GALNT7: variants seen among roughly 807,000 people sequenced by gnomAD.
The protein encoded by GALNT7 is N-acetylgalactosaminyltransferase 7.
A neutral mutation model predicts 82.1 loss-of-function variants in GALNT7; 60 were observed. That is an observed-to-expected ratio of 0.73 (90% CI 0.59 to 0.91). The LOEUF (loss-of-function observed/expected upper bound fraction) is 0.91, where lower values mean the gene tolerates loss of function less well. GALNT7 is among the 40% of genes least tolerant of loss of function. GALNT7 has a pLI of 0.00. For synonymous variants in GALNT7, 243 were observed against 275.1 expected, an observed-to-expected ratio of 0.88 and a Z score of 1.15; for missense variants, 660 against 804.2, an observed-to-expected ratio of 0.82 and a Z score of 2.17.
intron 1 of GALNT7, among the ~76,000 whole-genome samples, chr4:173,178,057 G>A (rs1385186262): frequency 7.1e-6 from 1 of 140,024 alleles, no homozygotes; most frequent in African/African-American, 2.9e-5. Context: ...GTGTGTGCGC[G>A]CACGCGCGTG....
At chr4:173,294,141 T>A (rs1314822092) in intron 3 of GALNT7, among the ~76,000 whole-genome samples, 1 of 152,150 alleles carries the variant, frequency 6.6e-6, no homozygotes, top group Non-Finnish European at 1.5e-5. Context: ...ACATAGGCCA[T>A]CAATTCATTT....
chr4:173,297,387 A>G (rs1030146590), intron 5 of GALNT7, among the ~76,000 whole-genome samples: 18 of 152,320 alleles, frequency 1.2e-4, no homozygotes, highest in Non-Finnish European at 1.8e-4. Context: ...TGTGGCAAGT[A>G]CTATCTGTGA....
chr4:173,280,511 A>C (rs561975653), intron 2 of GALNT7, among the ~76,000 whole-genome samples: 1 of 152,326 alleles, frequency 6.6e-6, no homozygotes, highest in African/African-American at 2.4e-5. Flanking sequence ...GCTACCCTGA[A>C]AATATTCTGT....
intron 1 of GALNT7, among the ~76,000 whole-genome samples, chr4:173,208,953 T>A (rs1733187149): frequency 6.6e-6 from 1 of 152,238 alleles, no homozygotes; most frequent in Non-Finnish European, 1.5e-5. Flanking sequence ...TACTTTGAAA[T>A]CTTTGTTCAT....
At chr4:173,216,706 CATATATAT>C (rs202210734) in intron 1 of GALNT7, among the ~76,000 whole-genome samples, 26 of 56,972 alleles carry the variant, frequency 4.6e-4, no homozygotes, top group African/African-American at 2.4e-3. Flanking sequence ...GTGTACTATT[CATATATAT>C]ATATATATAT....
In GALNT7 at chr4:173,168,825, G is replaced by A. The variant is rs1416022815; in HGVS notation, c.-11G>A. On this transcript the variant is annotated 5_prime_UTR_variant, in exon 1 of 12. Coordinates refer to ENST00000265000, the MANE Select transcript of GALNT7 (RefSeq NM_017423.3). ...TGCGCCGGGCTGTGAGTCTCTCGCCGCCGGAGGAAGATGAGGCTGAAGATT... is the reference window on the plus strand; with the variant it reads ...TGCGCCGGGCTGTGAGTCTCTCGCCACCGGAGGAAGATGAGGCTGAAGATT... The A allele has an allele frequency of 5.6e-6, 9 of 1,596,012 alleles. No homozygotes were observed. The African/African-American group carries it at 8.1e-5, about 14-fold the overall frequency.
At chr4:173,265,587 A>ATCTCTCTCTCTC (rs59676800) in intron 2 of GALNT7, among the ~76,000 whole-genome samples, 23 of 118,024 alleles carry the variant, frequency 1.9e-4, no homozygotes, top group African/African-American at 6.5e-4. Flanking sequence ...TGGCGTAAGC[A>ATCTCTCTCTCTC]TCTCTCTCTC....
At chr4:173,266,265 G>GGAAAAA (rs1182632004) in intron 2 of GALNT7, among the ~76,000 whole-genome samples, 25 of 151,996 alleles carry the variant, frequency 1.6e-4, no homozygotes, top group African/African-American at 6.0e-4. Context: ...GTCTCAAAAA[G>GGAAAAA]GAAAAAGAAA....
chr4:173,286,037 C>T (rs528446725), intron 2 of GALNT7, among the ~76,000 whole-genome samples: 261 of 152,236 alleles, frequency 1.7e-3, no homozygotes, highest in Middle Eastern at 3.4e-3. Flanking sequence ...CAACAAAAAA[C>T]CTTTTCCAGA....
intron 2 of GALNT7, among the ~76,000 whole-genome samples, chr4:173,272,914 C>T (rs1359772885): frequency 1.3e-5 from 2 of 152,154 alleles, no homozygotes; most frequent in Non-Finnish European, 2.9e-5. Context: ...CTTCAAAAAA[C>T]GATCTAGTAC....
intron 2 of GALNT7, among the ~76,000 whole-genome samples, chr4:173,277,860 A>G (rs1219926662): frequency 6.6e-6 from 1 of 152,210 alleles, no homozygotes; most frequent in Non-Finnish European, 1.5e-5. Flanking sequence ...CCATATTGAA[A>G]GTATTATAAC....
chr4:173,314,141 T>C lies in GALNT7; in HGVS notation c.1573T>C (p.Tyr525His), dbSNP rs1737500463. The C allele has an allele frequency of 1.2e-6, 2 of 1,613,376 alleles. No individual in the cohort carries two copies. The highest frequency in any genetic ancestry group is 2.2e-5 in the East Asian group (1 of 44,876). Residue 525 changes from tyrosine (Y) to histidine (H), a missense_variant, in exon 9 of 12, where the codon TAC (tyrosine) becomes CAC (histidine). Tyr to His is a moderately conservative substitution (Grantham distance 83). Transcript: ENST00000265000. Reference protein sequence around the residue: ...EEIAYDITSHYPLPPKNVDWG... With the variant: ...EEIAYDITSHHPLPPKNVDWG... ...AATAGCTTATGATATCACCTCACAC[T>C]ACCCTTTGCCACCCAAAAATGTTGA...
At chr4:173,198,833 C>T (rs929447297) in intron 1 of GALNT7, among the ~76,000 whole-genome samples, 1 of 151,876 alleles carries the variant, frequency 6.6e-6, no homozygotes, top group African/African-American at 2.4e-5. Context: ...ATGAGGGATA[C>T]GTTGAATATA....
intron 1 of GALNT7, among the ~76,000 whole-genome samples, chr4:173,219,939 G>T (rs1282512330): frequency 6.6e-6 from 1 of 152,064 alleles, no homozygotes; most frequent in Non-Finnish European, 1.5e-5. Context: ...CCACTCTGTG[G>T]GTTGTCTGTT....
intron 2 of GALNT7, among the ~76,000 whole-genome samples, chr4:173,268,530 GTTTTTTTTTT>G (rs60894562): frequency 1.3e-4 from 7 of 52,362 alleles, no homozygotes; most frequent in South Asian, 2.1e-3. Context: ...TTTCTCTCTC[GTTTTTTTTTT>G]TTTTTTTTTT....
At position 173,321,696 on chromosome 4, in the gene GALNT7, G is replaced by A. The variant is rs1269296331; in HGVS notation, c.1953G>A (p.Met651Ile). ...DSSKTTQKWE[M>I]NNIHSV ...GTAAAACGACTCAAAAATGGGAAAT[G>A]AATAACATCCATAGTGTTTAGAGAG... is the stretch of plus-strand genomic sequence containing the variant. The change falls in exon 12 of 12, where the codon ATG (methionine) becomes ATA (isoleucine). Residue 651 changes from methionine to isoleucine, a missense_variant. By Grantham distance (10) the Met-to-Ile change is conservative. This residue lies in a region of GALNT7 where 527 missense variants were observed against 683.5 expected (regional missense o/e 0.77). Transcript: ENST00000265000. The A allele has an allele frequency of 2.5e-6, 4 of 1,607,630 alleles. No homozygotes were observed. In the East Asian group the frequency reaches 6.7e-5, roughly 27 times the overall value.
In GALNT7 at chr4:173,321,821, C is replaced by A; in HGVS notation, c.*104C>A. On this transcript the variant is annotated 3_prime_UTR_variant, in exon 12 of 12. Transcript: ENST00000265000. ...AACTATTGTTATTAACTCTGTATAG[C>A]TCCAAACCTGGAACCTCCTGATCAG... 1 of 717,690 alleles carries A rather than the reference C, an allele frequency of 1.4e-6. No homozygotes were observed. The highest frequency in any genetic ancestry group is 1.8e-5 in the South Asian group (1 of 56,240). 44.5% of individuals were successfully genotyped at this position (717,690 alleles called of 1,614,324 possible).
At chr4:173,266,133 G>A (rs1038113375) in intron 2 of GALNT7, among the ~76,000 whole-genome samples, 4 of 152,112 alleles carry the variant, frequency 2.6e-5, no homozygotes, top group Non-Finnish European at 4.4e-5. Flanking sequence ...AGTGGCGTGC[G>A]GCCATGATCC....
At chr4:173,251,616 T>C (rs1734850100) in intron 2 of GALNT7, among the ~76,000 whole-genome samples, 1 of 152,196 alleles carries the variant, frequency 6.6e-6, no homozygotes, top group South Asian at 2.1e-4. Flanking sequence ...GAACCTCGCA[T>C]CTCTGAGTCC....
Sources: gnomAD v4.1 joint callset for allele counts (sites outside exome capture counted in the v4.1 genomes callset) on GRCh38, gnomAD v4.1.1 for gene constraint, gnomAD v4.1.1 regional missense constraint, MANE v1.5 for transcripts, NCBI Gene and HGNC (gene_info 2026-07-23, HGNC 2026-07-21) for gene names.